The following CCDC7 variants were observed in gnomAD, a reference collection of about 807,000 sequenced individuals.
CCDC7 encodes the protein coiled-coil domain containing 7.
Under a neutral mutation model 196.9 loss-of-function variants are expected in CCDC7, and 183 were observed. The ratio of observed to expected loss-of-function variants is 0.93; its 90% CI spans 0.82 to 1.05. The LOEUF (loss-of-function observed/expected upper bound fraction) is 1.05. CCDC7 is among the 50% of genes least tolerant of loss of function. The probability of loss-of-function intolerance (pLI) is 0.00; values close to 1 mark genes in which losing one functional copy is unlikely to be tolerated. For missense variants in CCDC7, 1,540 were observed against 1,482.2 expected (o/e 1.04, Z -0.64); for synonymous variants, 525 against 484.6 (o/e 1.08, Z -1.10).
At chr10:32,610,173 C>T (rs112170549) in intron 18 of CCDC7, among the ~76,000 whole-genome samples, 11,443 of 152,072 alleles carry the variant, frequency 0.075, 527 homozygotes, top group East Asian at 0.16. Flanking sequence ...GGCACGATCT[C>T]GGCTCACTGC....
Position 32,708,085 on chromosome 10 carries a change from C to T in CCDC7, c.2459-3535C>T, listed in dbSNP as rs1202795460. On this transcript the variant is annotated intron_variant, in intron 24 of 41. Coordinates refer to ENST00000639629, the Ensembl canonical transcript of CCDC7. The stretch of plus-strand genomic sequence containing the variant: ...GACTTCAAACTATACTACAAGGCTA[C>T]AGTAACCAAAAGAGCATAGTACTGG... Among the ~76,000 whole-genome samples, 3 of 152,152 alleles carry T rather than the reference C, an allele frequency of 2.0e-5. No individual in the cohort carries two copies. In the East Asian group the frequency reaches 5.8e-4, roughly 29 times the overall value.
chr10:32,847,070 C>T (rs1052349839), intron 37 of CCDC7, among the ~76,000 whole-genome samples: 4 of 152,102 alleles, frequency 2.6e-5, no homozygotes, highest in Admixed American at 6.6e-5. Context: ...GAGACACATT[C>T]GAAGCCGGCC....
chr10:32,453,370 T>C (rs374547425), exon 2 of CCDC7: 79 of 1,545,130 alleles, frequency 5.1e-5, no homozygotes, highest in Middle Eastern at 1.8e-4. Flanking sequence ...AAGAAACCTA[T>C]GGACATTGCG....
intron 28 of CCDC7, among the ~76,000 whole-genome samples, chr10:32,773,742 C>A (rs184010552): frequency 3.9e-4 from 60 of 152,026 alleles, no homozygotes; most frequent in African/African-American, 1.4e-3. Flanking sequence ...TGAGTTTTTA[C>A]AAGTCTTGAT....
intron 28 of CCDC7, among the ~76,000 whole-genome samples, chr10:32,755,037 A>T (rs1182097893): frequency 6.6e-6 from 1 of 152,152 alleles, no homozygotes; most frequent in African/African-American, 2.4e-5. Context: ...GCAGTCTGAG[A>T]TTGAACTGCA....
chr10:32,650,429 C>T (rs754493861), intron 20 of CCDC7, among the ~76,000 whole-genome samples: 5 of 152,216 alleles, frequency 3.3e-5, no homozygotes, highest in African/African-American at 9.7e-5. Context: ...GTAACTCTCT[C>T]ACCAGGCTTG....
At chr10:32,740,679 G>T (rs548366022) in intron 28 of CCDC7, among the ~76,000 whole-genome samples, 2 of 150,562 alleles carry the variant, frequency 1.3e-5, no homozygotes, top group Non-Finnish European at 3.0e-5. Context: ...GATTCCAGCA[G>T]TGTGCATAAT....
At chr10:32,760,188 G>A (rs975425476) in intron 28 of CCDC7, among the ~76,000 whole-genome samples, 15 of 151,632 alleles carry the variant, frequency 9.9e-5, no homozygotes, top group African/African-American at 1.9e-4. Context: ...TCAGTGTGGC[G>A]ATTCCTCAGG....
intron 9 of CCDC7, among the ~76,000 whole-genome samples, chr10:32,507,448 A>G (rs1485548510): frequency 6.6e-6 from 1 of 151,848 alleles, no homozygotes; most frequent in Non-Finnish European, 1.5e-5. Context: ...GTAAGGACTT[A>G]CTATTACCAT....
At chr10:32,804,920 A>G in intron 29 of CCDC7, 95 bp from the exon 31 acceptor site, 1 of 710,254 alleles carries the variant, frequency 1.4e-6, no homozygotes, top group South Asian at 1.9e-5. Flanking sequence ...ACAAAGGCTG[A>G]TTAATTTAAT....
intron 20 of CCDC7, among the ~76,000 whole-genome samples, chr10:32,645,132 T>A (rs1340962665): frequency 6.6e-6 from 1 of 152,168 alleles, no homozygotes; most frequent in Admixed American, 6.5e-5. Flanking sequence ...GAAATTCAAA[T>A]GAAAACCATA....
At chr10:32,822,213 G>T (rs1460355268) in intron 31 of CCDC7, among the ~76,000 whole-genome samples, 1 of 152,104 alleles carries the variant, frequency 6.6e-6, no homozygotes, top group Admixed American at 6.5e-5. Flanking sequence ...TGTTATAATT[G>T]CAAAAGAGAG....
chr10:32,449,100 A>T (rs917664628), upstream of CCDC7, among the ~76,000 whole-genome samples: 1 of 151,666 alleles, frequency 6.6e-6, no homozygotes, highest in East Asian at 1.9e-4. Context: ...CATATGGCTG[A>T]TATTCTCTTT....
chr10:32,805,396 A>G (rs756307245), intron 30 of CCDC7, among the ~76,000 whole-genome samples: 2 of 152,188 alleles, frequency 1.3e-5, no homozygotes, highest in African/African-American at 2.4e-5. Flanking sequence ...GTCCCTTTCT[A>G]TTTACAGTTT....
At chr10:32,451,091 G>A (rs2490503), upstream of CCDC7, among the ~76,000 whole-genome samples, 124,483 of 152,082 alleles carry the variant, frequency 0.82, 51,870 homozygotes, top group Non-Finnish European at 0.9. Context: ...CTCCTTACTT[G>A]CAGGAAATGC....
intron 41 of CCDC7, among the ~76,000 whole-genome samples, chr10:32,862,401 C>T (rs1306022683): frequency 6.7e-6 from 1 of 149,264 alleles, no homozygotes; most frequent in East Asian, 2.0e-4. Flanking sequence ...GAACATCACA[C>T]ACTGGGGCTT....
At chr10:32,541,191 C>T (rs7099826) in intron 11 of CCDC7, among the ~76,000 whole-genome samples, 20,401 of 152,048 alleles carry the variant, frequency 0.13, 1,626 homozygotes, top group African/African-American at 0.23. Context: ...AGTAGGACCA[C>T]TGAGCTAGAA....
intron 29 of CCDC7, among the ~76,000 whole-genome samples, chr10:32,802,018 G>T (rs1216418427): frequency 1.3e-5 from 2 of 152,166 alleles, no homozygotes; most frequent in Non-Finnish European, 2.9e-5. Flanking sequence ...ACCTGGTGAG[G>T]TTGTGCATGC....
At chr10:32,503,290 T>C (rs2044369726) in intron 9 of CCDC7, among the ~76,000 whole-genome samples, 1 of 152,172 alleles carries the variant, frequency 6.6e-6, no homozygotes, top group Non-Finnish European at 1.5e-5. Flanking sequence ...GGTTCTGATA[T>C]ATGGATTTTA....
Sources: gnomAD v4.1 joint callset for allele counts (sites outside exome capture counted in the v4.1 genomes callset) on GRCh38, gnomAD v4.1.1 for gene constraint, MANE v1.5 for transcripts, NCBI Gene and HGNC (gene_info 2026-07-23, HGNC 2026-07-21) for gene names.